The following ARPC1A variants were observed in gnomAD, a reference collection of about 807,000 sequenced individuals.
ARPC1A encodes actin related protein 2/3 complex subunit 1A, also known as actin-related protein 2/3 complex subunit 1A.
Under a neutral mutation model 46.9 loss-of-function variants are expected in ARPC1A, and 8 were observed. The observed-to-expected ratio is 0.17, with a 90% CI of 0.10 to 0.31. The LOEUF is 0.31. ARPC1A is among the 10% of genes least tolerant of loss of function. The pLI is 1.00. For synonymous variants in ARPC1A, 152 were observed against 169.0 expected (o/e 0.90, Z 0.78); for missense variants, 286 against 483.6 (o/e 0.59, Z 3.83).
At position 99,325,940 on chromosome 7, in the gene ARPC1A, C is replaced by G. The variant is rs960936279; in HGVS notation, c.-94C>G. The G allele has an allele frequency of 1.3e-5, 2 of 152,574 alleles. No homozygotes were observed. Among genetic ancestry groups the G allele is most frequent in the African/African-American group, 2.4e-5 (1 of 41,464 alleles). The allele number at this position is 152,574 out of a possible 1,614,324, so 9.5% of individuals were successfully genotyped here. A position where few individuals can be genotyped will look rare whatever the true frequency, so the allele number is the denominator to read the frequency against. On this transcript the variant is annotated 5_prime_UTR_variant, in exon 1 of 10. Transcript: ENST00000262942. Reference sequence around the variant, plus strand: ...CCGCCCGCGCCCGACGGAGCCTGTTCGCGTCGACTGCCCAGAGTCCGCGAA... The same window carrying G: ...CCGCCCGCGCCCGACGGAGCCTGTTGGCGTCGACTGCCCAGAGTCCGCGAA...
chr7:99,357,487 A>ATTTTTTTTTT (rs79469623), intron 6 of ARPC1A, among the ~76,000 whole-genome samples: 1 of 144,246 alleles, frequency 6.9e-6, no homozygotes, highest in Non-Finnish European at 1.5e-5. Context: ...CTCTAGGCTA[A>ATTTTTTTTTT]TTTTTTTTTT....
intron 6 of ARPC1A, among the ~76,000 whole-genome samples, chr7:99,357,568 A>G (rs925326090): frequency 2.6e-5 from 4 of 151,684 alleles, no homozygotes; most frequent in African/African-American, 4.8e-5. Flanking sequence ...GCCTCCAGCA[A>G]TCCTTCCACC....
intron 6 of ARPC1A, among the ~76,000 whole-genome samples, chr7:99,356,186 C>G (rs1243204112): frequency 1.3e-5 from 2 of 152,152 alleles, no homozygotes; most frequent in Non-Finnish European, 2.9e-5. Flanking sequence ...ACTGGGTGAC[C>G]TTTACTCCCT....
intron 8 of ARPC1A, 52 bp downstream of exon 8, chr7:99,359,790 C>G (rs957837677): frequency 6.3e-7 from 1 of 1,591,294 alleles, no homozygotes; most frequent in Non-Finnish European, 8.6e-7. Flanking sequence ...CTTCCTGCCC[C>G]TCGCTGTTTC....
chr7:99,332,219 C>G (rs986132667), intron 1 of ARPC1A, among the ~76,000 whole-genome samples: 1 of 152,152 alleles, frequency 6.6e-6, no homozygotes, highest in Non-Finnish European at 1.5e-5. Flanking sequence ...CAGGTTTCTC[C>G]AGGATAGCCC....
chr7:99,358,485 T>C, intron 7 of ARPC1A, 70 bp downstream of exon 7: 1 of 1,345,122 alleles, frequency 7.4e-7, no homozygotes, highest in Non-Finnish European at 1.1e-6. Context: ...CAATGTGTGC[T>C]CTGTCACCCT....
At chr7:99,341,436 C>T (rs1793355743) in intron 3 of ARPC1A, among the ~76,000 whole-genome samples, 1 of 151,778 alleles carries the variant, frequency 6.6e-6, no homozygotes, top group African/African-American at 2.4e-5. Flanking sequence ...GGAGAAACCC[C>T]ATTTCTACTA....
intron 1 of ARPC1A, among the ~76,000 whole-genome samples, chr7:99,328,912 C>G (rs1488454468): frequency 6.6e-6 from 1 of 151,692 alleles, no homozygotes; most frequent in Non-Finnish European, 1.5e-5. Context: ...GATCACACCA[C>G]TGCAGTCCAG....
At chr7:99,340,148 T>TTTTGTTTG in intron 3 of ARPC1A, 1 of 392,938 alleles carries the variant, frequency 2.5e-6, no homozygotes, top group Non-Finnish European at 5.1e-6. Context: ...TTTTTTCTGT[T>TTTTGTTTG]TTTGTTTGTT....
chr7:99,338,378 A>ATTTTTT lies in ARPC1A; in HGVS notation c.169+113_169+118dup, dbSNP rs754747240. The ATTTTTT allele has an allele frequency of 1.9e-4, 45 of 243,014 alleles. 1 individual carries two copies. The highest frequency in any genetic ancestry group is 5.2e-4 in the African/African-American group (11 of 21,078). The allele number at this position is 243,014 out of a possible 1,614,324, so 15.1% of individuals were successfully genotyped here. On this transcript the variant is annotated intron_variant, in intron 3 of 9. Coordinates refer to ENST00000262942, the MANE Select transcript of ARPC1A (RefSeq NM_006409.4). ...AGCCTAATAAACCCAGGTGGCCATA[A>ATTTTTT]TTTTTTTTTTTTTTTTTTTTTTTTT...
chr7:99,364,113 C>T (rs1793786916), intron 9 of ARPC1A, among the ~76,000 whole-genome samples: 1 of 151,686 alleles, frequency 6.6e-6, no homozygotes, highest in African/African-American at 2.4e-5. Context: ...CACTACAACA[C>T]CCGGCTATGT....
chr7:99,350,553 C>T (rs1422082478), intron 5 of ARPC1A, among the ~76,000 whole-genome samples: 1 of 150,488 alleles, frequency 6.6e-6, no homozygotes, highest in Admixed American at 6.7e-5. Flanking sequence ...ATGCTTTTTT[C>T]CCTTTAGCTG....
In ARPC1A at chr7:99,354,016, C is replaced by G; in HGVS notation, c.608C>G (p.Thr203Ser). ...ATGTCAGAGTTTGGTGGCAGTGGCACTGGTGGCTGGGTCCACGGGGTAAGC... is the reference window on the plus strand; with the variant it reads ...ATGTCAGAGTTTGGTGGCAGTGGCAGTGGTGGCTGGGTCCACGGGGTAAGC... ...QLMSEFGGSG[T>S]GGWVHGVSFS... The change falls in exon 6 of 10, where the codon ACT becomes AGT. Residue 203 changes from threonine (T) to serine (S), a missense_variant. This residue lies in a region of ARPC1A where 182 missense variants were observed against 276.7 expected (regional missense o/e 0.66). Transcript: ENST00000262942. 2 of 1,614,048 alleles carry G rather than the reference C, an allele frequency of 1.2e-6. No individual in the cohort carries two copies. The highest frequency in any genetic ancestry group is 1.7e-5 in the Admixed American group (1 of 60,010).
In ARPC1A at chr7:99,348,847, C is replaced by A. The variant is rs1369807513; in HGVS notation, c.393-5C>A. The A allele has an allele frequency of 1.9e-6, 3 of 1,612,692 alleles. No individual in the cohort carries two copies. The Admixed American group carries it at 5.0e-5, about 27-fold the overall frequency. On this transcript the variant is annotated splice_region_variant and splice_polypyrimidine_tract_variant and intron_variant, in intron 4 of 9. Transcript: ENST00000262942. The stretch of plus-strand genomic sequence containing the variant: ...ATAAACTGAAACAGTTTTCCCCTCT[C>A]ATAGGTGGGTGAGCAAGCACATTAA...
At chr7:99,346,280 C>T (rs1793449630) in intron 4 of ARPC1A, among the ~76,000 whole-genome samples, 1 of 151,526 alleles carries the variant, frequency 6.6e-6, no homozygotes, top group African/African-American at 2.4e-5. Flanking sequence ...AATGTGAAAT[C>T]AAGGCTAACA....
At position 99,365,890 on chromosome 7, in the gene ARPC1A, G is replaced by A. The variant is rs953145790; in HGVS notation, c.1075-1G>A. The A allele has an allele frequency of 1.9e-6, 3 of 1,572,894 alleles. No individual in the cohort carries two copies. The highest frequency in any genetic ancestry group is 2.6e-6 in the Non-Finnish European group (3 of 1,157,008). The stretch of plus-strand genomic sequence containing the variant: ...TCAGTGCTCTTCCCACCTTTTCCAA[G>A]ACCCTCGAGTCTTCCATCCAGGGCC... On this transcript the variant is annotated splice_acceptor_variant, in intron 9 of 9. Coordinates refer to ENST00000262942, the MANE Select transcript of ARPC1A (RefSeq NM_006409.4). LOFTEE classifies it high-confidence loss of function.
intron 5 of ARPC1A, among the ~76,000 whole-genome samples, chr7:99,349,840 AAAAT>A (rs1272467496): frequency 1.3e-5 from 2 of 151,868 alleles, no homozygotes; most frequent in Admixed American, 6.6e-5. Context: ...ACTCTGTCTC[AAAAT>A]AAATAAATAA....
intron 4 of ARPC1A, 39 bp from the exon 5 acceptor site, chr7:99,348,813 G>C: frequency 6.4e-7 from 1 of 1,555,424 alleles, no homozygotes; most frequent in Non-Finnish European, 8.8e-7. Flanking sequence ...GGGGATGCTG[G>C]TTGAGTGGAT....
rs1353481910 is a variant in ARPC1A at position 99,366,186 on chromosome 7, C to A, written c.*257C>A. The A allele has an allele frequency of 8.3e-6, 4 of 482,116 alleles. No homozygotes were observed. The highest frequency in any genetic ancestry group is 1.5e-5 in the Non-Finnish European group (4 of 269,990). 29.9% of individuals were successfully genotyped at this position (482,116 alleles called of 1,614,324 possible). ...TAAGTAGTTTATTATGGAAAATTGT[C>A]ACACTAACTTAAAAGACAGGGTGAG... On this transcript the variant is annotated 3_prime_UTR_variant, in exon 10 of 10. Transcript: ENST00000262942.
Sources: allele counts gnomAD v4.1 joint callset (sites outside exome capture counted in the v4.1 genomes callset), GRCh38; gene constraint gnomAD v4.1.1; regional missense constraint gnomAD v4.1.1; transcripts MANE v1.5; gene names NCBI Gene and HGNC (gene_info 2026-07-23, HGNC 2026-07-21).